The following KIF2A variants were observed in gnomAD, a reference collection of about 807,000 sequenced individuals.
KIF2A encodes kinesin family member 2A.
Under a neutral mutation model 100.2 loss-of-function variants are expected in KIF2A, and 22 were observed. The ratio of observed to expected loss-of-function variants is 0.22; its 90% CI spans 0.16 to 0.31. The LOEUF is 0.31. KIF2A is among the 10% of genes least tolerant of loss of function. The pLI is 1.00. For missense variants in KIF2A, 495 were observed against 898.7 expected (o/e 0.55, Z 5.74); for synonymous variants, 268 against 285.9 (o/e 0.94, Z 0.63).
rs1014627142 is a variant in KIF2A, at chr5:62,388,752, G to A, written c.*3183G>A. On this transcript the variant is annotated 3_prime_UTR_variant, in exon 21 of 21. Transcript: ENST00000407818. Reference sequence around the variant, plus strand: ...AACTGTTAGAAATGATAAGTGTAAAGTTGTGCGTCTCTGCGGCTCCTGAAC... The same window carrying A: ...AACTGTTAGAAATGATAAGTGTAAAATTGTGCGTCTCTGCGGCTCCTGAAC... 2 of 491,064 alleles carry A rather than the reference G, an allele frequency of 4.1e-6. No homozygotes were observed. Among genetic ancestry groups the A allele is most frequent in the African/African-American group, 3.9e-5 (2 of 51,062 alleles). 30.4% of individuals were successfully genotyped at this position (491,064 alleles called of 1,614,324 possible).
At chr5:62,331,500 ATTGT>A (rs1316688545) in intron 1 of KIF2A, among the ~76,000 whole-genome samples, 4 of 152,168 alleles carry the variant, frequency 2.6e-5, no homozygotes, top group South Asian at 2.1e-4. Context: ...AGGCAGGATA[ATTGT>A]TTGTTGAACT....
chr5:62,344,828 G>C (rs561331178), intron 1 of KIF2A, among the ~76,000 whole-genome samples: 3 of 152,146 alleles, frequency 2.0e-5, no homozygotes, highest in Non-Finnish European at 4.4e-5. Context: ...ATGTATTTTA[G>C]TTTTTTCTTT....
At chr5:62,367,120 A>G (rs1278393787) in intron 16 of KIF2A, among the ~76,000 whole-genome samples, 1 of 152,182 alleles carries the variant, frequency 6.6e-6, no homozygotes, top group East Asian at 1.9e-4. Context: ...TCTGAAGTAA[A>G]TGAATGTCAG....
At chr5:62,346,782 A>G (rs1468032363) in intron 1 of KIF2A, among the ~76,000 whole-genome samples, 1 of 152,222 alleles carries the variant, frequency 6.6e-6, no homozygotes, top group Non-Finnish European at 1.5e-5. Flanking sequence ...TTTGTTCTAC[A>G]GAATCATTTT....
At chr5:62,321,279 C>T (rs910033174) in intron 1 of KIF2A, among the ~76,000 whole-genome samples, 4 of 152,030 alleles carry the variant, frequency 2.6e-5, no homozygotes, top group African/African-American at 7.2e-5. Flanking sequence ...GTGGGTTATA[C>T]CTAGAAGTGG....
intron 16 of KIF2A, among the ~76,000 whole-genome samples, chr5:62,369,240 A>C (rs1741212877): frequency 6.6e-6 from 1 of 152,184 alleles, no homozygotes; most frequent in Non-Finnish European, 1.5e-5. Flanking sequence ...GCTACAAAGG[A>C]ATACCCGAGA....
Position 62,386,756 on chromosome 5 carries a change from A to C in KIF2A, c.*1187A>C, listed in dbSNP as rs1742046262. Among the ~76,000 whole-genome samples the C allele has an allele frequency of 6.6e-6, 1 of 152,246 alleles. No homozygotes were observed. Among genetic ancestry groups the C allele is most frequent in the Non-Finnish European group, 1.5e-5 (1 of 68,034 alleles). On this transcript the variant is annotated 3_prime_UTR_variant, in exon 21 of 21. Transcript: ENST00000407818. ...GTTTGGTGAGAATCGCCAAATTCTC[A>C]CTAATACATTGGTATGGTGTAGGGC...
chr5:62,319,895 GTATGTATGTATA>G (rs1746017912), intron 1 of KIF2A, among the ~76,000 whole-genome samples: 1 of 152,078 alleles, frequency 6.6e-6, no homozygotes, highest in Non-Finnish European at 1.5e-5. Context: ...ATGTATGTAT[GTATGTATGTATA>G]TATCTATTAG....
rs1742278157 is a variant in KIF2A at position 62,390,853 on chromosome 5, T to C, written c.*5284T>C. On this transcript the variant is annotated 3_prime_UTR_variant, in exon 21 of 21. Transcript: ENST00000407818. ...GTCACAGTAAAGAAATGTAAACACT[T>C]AGGAAAACAAAAATGTAATTACCTG... 9.4e-6 allele frequency: 15 copies of C among 1,597,070 alleles called. No individual in the cohort carries two copies. Among genetic ancestry groups the C allele is most frequent in the Non-Finnish European group, 1.3e-5 (15 of 1,166,384 alleles).
intron 11 of KIF2A, 31 bp from the exon 12 acceptor site, chr5:62,362,419 C>T: frequency 9.3e-7 from 1 of 1,079,986 alleles, no homozygotes; most frequent in Non-Finnish European, 1.3e-6. Flanking sequence ...TTTGTTGGAT[C>T]TCAATTTTCT....
chr5:62,368,059 A>C (rs1379921729), intron 16 of KIF2A, among the ~76,000 whole-genome samples: 1 of 152,170 alleles, frequency 6.6e-6, no homozygotes, highest in Non-Finnish European at 1.5e-5. Flanking sequence ...AAAAGTACCT[A>C]AAGTATAAGT....
chr5:62,321,569 G>A lies in KIF2A; in HGVS notation c.64+15033G>A, dbSNP rs76679035. 5.2e-3 allele frequency among the ~76,000 whole-genome samples: 789 copies of A among 152,070 alleles called. 7 individuals are homozygous for A. The highest frequency in any genetic ancestry group is 0.018 in the African/African-American group (742 of 41,472). On this transcript the variant is annotated intron_variant, in intron 1 of 20. Transcript: ENST00000407818. ...TACCATTTGTTTTGTTTGTTTGTTT[G>A]TTTGTTTTTAAAGGATAGAGTCTTA...
intron 7 of KIF2A, among the ~76,000 whole-genome samples, chr5:62,355,868 C>T (rs1217825758): frequency 3.3e-5 from 5 of 151,178 alleles, no homozygotes; most frequent in South Asian, 2.1e-4. Context: ...GTGTGATCTC[C>T]GCCTCCCAGT....
chr5:62,349,196 C>A (rs1358966462), intron 3 of KIF2A, among the ~76,000 whole-genome samples: 1 of 151,312 alleles, frequency 6.6e-6, no homozygotes, highest in African/African-American at 2.4e-5. Flanking sequence ...GCAACCTTTA[C>A]TGTACATTAG....
chr5:62,366,748 C>G (rs1355922273), intron 16 of KIF2A, among the ~76,000 whole-genome samples: 1 of 151,402 alleles, frequency 6.6e-6, no homozygotes, highest in East Asian at 1.9e-4. Context: ...GGAGAATGGC[C>G]TGAACCCGGG....
intron 1 of KIF2A, chr5:62,307,088 C>T (rs956389879): frequency 6.6e-6 from 1 of 151,388 alleles, no homozygotes; most frequent in Admixed American, 6.6e-5. Context: ...GTCAGGCCTC[C>T]CCGGTTTCGT....
chr5:62,333,257 CA>C (rs1296560420), intron 1 of KIF2A, among the ~76,000 whole-genome samples: 2 of 152,186 alleles, frequency 1.3e-5, no homozygotes, highest in Non-Finnish European at 2.9e-5. Flanking sequence ...TATTAAAAAC[CA>C]AGAGGTGTTC....
chr5:62,381,062 T>A lies in KIF2A; in HGVS notation c.2014-56T>A. ...TTGATTATATTTAACAGAATTGTAA[T>A]TTGGTTTCTGTTGCACAAAGATGCT... On this transcript the variant is annotated intron_variant, in intron 19 of 20. Transcript: ENST00000407818. The A allele has an allele frequency of 6.1e-6, 8 of 1,315,676 alleles. No homozygotes were observed. In the South Asian group the frequency reaches 6.2e-5, roughly 10 times the overall value. The allele number at this position is 1,315,676 out of a possible 1,614,324, so 81.5% of individuals were successfully genotyped here.
At chr5:62,369,243 ACCCGAGACTGGGTAAT>A (rs1297612891) in intron 16 of KIF2A, among the ~76,000 whole-genome samples, 1 of 152,192 alleles carries the variant, frequency 6.6e-6, no homozygotes, top group Non-Finnish European at 1.5e-5. Flanking sequence ...ACAAAGGAAT[ACCCGAGACTGGGTAAT>A]TTATGAAGGT....
Sources: allele counts gnomAD v4.1 joint callset (sites outside exome capture counted in the v4.1 genomes callset), GRCh38; gene constraint gnomAD v4.1.1; transcripts MANE v1.5; gene names NCBI Gene and HGNC (gene_info 2026-07-23, HGNC 2026-07-21).